Variants in SPEF2 observed in about 807,000 individuals in gnomAD.
The protein encoded by SPEF2 is sperm flagellar and cilia associated 2, also known as sperm flagella and cilia-associated protein 2.
Under a neutral mutation model 224.6 loss-of-function variants are expected in SPEF2, and 187 were observed. The ratio of observed to expected loss-of-function variants is 0.83; its 90% CI spans 0.74 to 0.94. The LOEUF is 0.94. SPEF2 is among the 40% of genes least tolerant of loss of function. SPEF2 has a pLI of 0.00. For missense variants in SPEF2, 2,170 were observed against 2,135.6 expected, an observed-to-expected ratio of 1.02 and a Z score of -0.32; for synonymous variants, 715 against 707.3, an observed-to-expected ratio of 1.01 and a Z score of -0.17.
intron 30 of SPEF2, chr5:35,788,812 T>C: frequency 1.4e-6 from 1 of 702,946 alleles, no homozygotes; most frequent in Admixed American, 2.0e-5. Flanking sequence ...TCCAGAACAT[T>C]CCTCTGTACA....
intron 20 of SPEF2, among the ~76,000 whole-genome samples, chr5:35,723,064 G>C (rs945030472): frequency 6.6e-6 from 1 of 152,064 alleles, no homozygotes; most frequent in East Asian, 1.9e-4. Flanking sequence ...AGGCCAGGCA[G>C]TTTGAATCCC....
At chr5:35,694,956 C>T (rs1235501792) in intron 13 of SPEF2, among the ~76,000 whole-genome samples, 3 of 152,040 alleles carry the variant, frequency 2.0e-5, no homozygotes, top group Non-Finnish European at 4.4e-5. Context: ...ATATTTTTTC[C>T]TGTATGTGCT....
chr5:35,778,647 A>G (rs1371121579), intron 29 of SPEF2, among the ~76,000 whole-genome samples: 2 of 152,126 alleles, frequency 1.3e-5, no homozygotes, highest in Non-Finnish European at 2.9e-5. Flanking sequence ...GAGAAAAGCC[A>G]CTCTTCTAGA....
chr5:35,661,254 TTATATATATATATATA>T (rs550178866), intron 8 of SPEF2, among the ~76,000 whole-genome samples: 2,141 of 93,966 alleles, frequency 0.023, 56 homozygotes, highest in East Asian at 0.062. Context: ...TTGGTATATA[TTATATATATATATATA>T]TATATATATA....
chr5:35,782,481 G>A (rs1754479646), intron 30 of SPEF2, among the ~76,000 whole-genome samples: 1 of 151,962 alleles, frequency 6.6e-6, no homozygotes, highest in South Asian at 2.1e-4. Context: ...ATATTTATTT[G>A]CATATAACAG....
At chr5:35,748,521 A>T (rs1748911766) in intron 23 of SPEF2, among the ~76,000 whole-genome samples, 1 of 152,310 alleles carries the variant, frequency 6.6e-6, no homozygotes, top group South Asian at 2.1e-4. Flanking sequence ...AATACAAAAG[A>T]TCATTCAAGG....
chr5:35,654,560 A>T lies in SPEF2; in HGVS notation c.812A>T (p.Asp271Val). 1.3e-6 allele frequency: 2 copies of T among 1,593,786 alleles called. No individual in the cohort carries two copies. Among genetic ancestry groups the T allele is most frequent in the African/African-American group, 1.4e-5 (1 of 73,570 alleles). The change falls in exon 7 of 37, where the codon GAT becomes GTT. Residue 271 changes from aspartate (D) to valine (V), a missense_variant. Coordinates refer to ENST00000356031, the MANE Select transcript of SPEF2 (RefSeq NM_024867.4). Reference sequence around the variant, plus strand: ...CTTAGTGCATCCAAGACTTCTTTAGATACAGCAGGCCAGACAACCACCGAT... The same window carrying T: ...CTTAGTGCATCCAAGACTTCTTTAGTTACAGCAGGCCAGACAACCACCGAT... ...AKESASKTSL[D>V]TAGQTTTDLL...
At position 35,709,038 on chromosome 5, in the gene SPEF2, C is replaced by T. The variant is rs1740575852; in HGVS notation, c.2756C>T (p.Pro919Leu). Residue 919 changes from proline to leucine, a missense_variant, in exon 19 of 37, where the codon CCT (proline) becomes CTT (leucine). Physicochemically the swap from Pro to Leu is moderately conservative, Grantham distance 98. Transcript: ENST00000356031. Reference protein sequence around the residue: ...LPLPTPPPAPPPEPEKEKEIH... With the variant: ...LPLPTPPPAPLPEPEKEKEIH... Reference sequence around the variant, plus strand: ...CTTCCTACACCTCCTCCTGCTCCTCCTCCTGAACCAGAAAAAGAGAAGGAA... The same window carrying T: ...CTTCCTACACCTCCTCCTGCTCCTCTTCCTGAACCAGAAAAAGAGAAGGAA... The T allele has an allele frequency of 6.2e-7, 1 of 1,613,826 alleles. No homozygotes were observed. Among genetic ancestry groups the T allele is most frequent in the Non-Finnish European group, 8.5e-7 (1 of 1,179,948 alleles).
intron 30 of SPEF2, among the ~76,000 whole-genome samples, chr5:35,784,741 T>C (rs1215227049): frequency 2.0e-5 from 3 of 150,138 alleles, no homozygotes; most frequent in African/African-American, 4.9e-5. Flanking sequence ...ACAGAGAGCT[T>C]GTGGTCAGGT....
At chr5:35,804,386 C>T (rs1757807704) in intron 34 of SPEF2, among the ~76,000 whole-genome samples, 1 of 152,228 alleles carries the variant, frequency 6.6e-6, no homozygotes, top group South Asian at 2.1e-4. Flanking sequence ...CTGATAATTG[C>T]TCATTCAAAA....
chr5:35,657,017 A>G (rs928749637), intron 7 of SPEF2, among the ~76,000 whole-genome samples: 1 of 152,204 alleles, frequency 6.6e-6, no homozygotes, highest in Non-Finnish European at 1.5e-5. Flanking sequence ...TATGTGTACA[A>G]TGGCTGGTTT....
intron 20 of SPEF2, among the ~76,000 whole-genome samples, chr5:35,724,653 G>T (rs1039628741): frequency 6.6e-6 from 1 of 152,100 alleles, no homozygotes; most frequent in Non-Finnish European, 1.5e-5. Context: ...GGTTACCTCT[G>T]GCAAGTTACT....
chr5:35,774,154 A>G, intron 28 of SPEF2, 133 bp downstream of exon 28: 1 of 1,237,084 alleles, frequency 8.1e-7, no homozygotes, highest in Non-Finnish European at 1.1e-6. Flanking sequence ...GAAAAGCACA[A>G]TATTCAGTTG....
chr5:35,684,466 T>C (rs576465618), intron 10 of SPEF2, among the ~76,000 whole-genome samples: 7 of 152,312 alleles, frequency 4.6e-5, no homozygotes, highest in African/African-American at 1.7e-4. Context: ...TTCCATTGTG[T>C]TTGGCCACAT....
intron 7 of SPEF2, among the ~76,000 whole-genome samples, chr5:35,658,470 A>G (rs1184846863): frequency 6.6e-6 from 1 of 152,228 alleles, no homozygotes; most frequent in Non-Finnish European, 1.5e-5. Flanking sequence ...TCAGATCTGC[A>G]GTCTTCAGCT....
chr5:35,618,206 A>ACT (rs1383597047), intron 1 of SPEF2, 151 bp downstream of exon 1: 19 of 823,018 alleles, frequency 2.3e-5, no homozygotes, highest in Admixed American at 4.5e-5. Flanking sequence ...ACAGTGAGCA[A>ACT]CTCGGCTCGG....
At chr5:35,637,178 A>T (rs1478013418) in intron 2 of SPEF2, among the ~76,000 whole-genome samples, 1 of 152,060 alleles carries the variant, frequency 6.6e-6, no homozygotes, top group East Asian at 1.9e-4. Context: ...AGCAAACTAA[A>T]ATGACAAAAA....
At chr5:35,624,679 C>G (rs760153920) in intron 1 of SPEF2, among the ~76,000 whole-genome samples, 2 of 152,046 alleles carry the variant, frequency 1.3e-5, no homozygotes, top group African/African-American at 2.4e-5. Flanking sequence ...GCTCTGTCAC[C>G]AGGCTGGAGT....
At chr5:35,805,533 G>A (rs535193334) in intron 34 of SPEF2, among the ~76,000 whole-genome samples, 26 of 152,212 alleles carry the variant, frequency 1.7e-4, no homozygotes, top group African/African-American at 6.3e-4. Context: ...AAGGAGATCA[G>A]ATCTCAGATG....
Sources: gnomAD v4.1 joint callset for allele counts (sites outside exome capture counted in the v4.1 genomes callset) on GRCh38, gnomAD v4.1.1 for gene constraint, MANE v1.5 for transcripts, NCBI Gene and HGNC (gene_info 2026-07-23, HGNC 2026-07-21) for gene names.